Variants in MYH14 observed in about 807,000 individuals in gnomAD.
MYH14 encodes myosin heavy chain 14, also known as myosin-14.
Under a neutral mutation model 255.5 loss-of-function variants are expected in MYH14, and 123 were observed. That is an observed-to-expected ratio of 0.48 (90% CI 0.42 to 0.56). The LOEUF (loss-of-function observed/expected upper bound fraction) is 0.56, where lower values mean the gene tolerates loss of function less well. Ranked by LOEUF, MYH14 falls within the 20% of genes least tolerant of loss-of-function variation. The probability of loss-of-function intolerance (pLI) is 0.00; values close to 1 mark genes in which losing one functional copy is unlikely to be tolerated. For missense variants in MYH14, 2,423 were observed against 2,802.3 expected (o/e 0.86, Z 3.06); for synonymous variants, 1,095 against 1,161.2 (o/e 0.94, Z 1.16).
At position 50,280,123 on chromosome 19, in the gene MYH14, C is replaced by G; in HGVS notation, c.4119C>G (p.Ala1373=). 6.2e-7 allele frequency: 1 copy of G among 1,605,958 alleles called. No individual in the cohort carries two copies. The highest frequency in any genetic ancestry group is 8.5e-7 in the Non-Finnish European group (1 of 1,176,440). ...RLSKELSSTE[A]QLHDAQELLQ... ...GCAAGGAGCTGAGCAGCACAGAAGC[C>G]CAGCTGCACGATGCCCAGGTGACCC... is the stretch of plus-strand genomic sequence containing the variant. The change falls in exon 31 of 43, where the codon GCC becomes GCG. Residue 1373 remains alanine, a synonymous_variant. Transcript: ENST00000642316. This position sits in a 1 kb window ranked among gnomAD's most constrained non-coding sequence, Gnocchi z 4.8.
In MYH14 at chr19:50,231,951, G is replaced by T. The variant is rs1375444153; in HGVS notation, c.995G>T (p.Cys332Phe). The T allele has an allele frequency of 2.5e-6, 4 of 1,613,942 alleles. No homozygotes were observed. Among genetic ancestry groups the T allele is most frequent in the Non-Finnish European group, 3.4e-6 (4 of 1,179,902 alleles). The change falls in exon 10 of 43, where the codon TGC becomes TTC. Residue 332 changes from cysteine to phenylalanine, a missense_variant. By Grantham distance (205) the Cys-to-Phe change is radical. Transcript: ENST00000642316. ...GCAGCCGACCTCCTCCTCGAGCCCT[G>T]CTCCCACTACCGGTTCCTGACCAAC... ...QLKADLLLEPCSHYRFLTNGP... is the reference protein window; with the variant it reads ...QLKADLLLEPFSHYRFLTNGP...
At chr19:50,232,421 G>A (rs146452792) in intron 10 of MYH14, among the ~76,000 whole-genome samples, 2,633 of 132,638 alleles carry the variant, frequency 0.02, 33 homozygotes, top group Middle Eastern at 0.044. Flanking sequence ...GTGAAACACC[G>A]TTTCTACTGA....
chr19:50,297,134 C>T (rs1462399527), intron 39 of MYH14, among the ~76,000 whole-genome samples: 1 of 152,020 alleles, frequency 6.6e-6, no homozygotes, highest in African/African-American at 2.4e-5. Flanking sequence ...TACAAGCATG[C>T]ACCACCATGC....
At chr19:50,295,529 G>A (rs565129041) in intron 39 of MYH14, among the ~76,000 whole-genome samples, 16 of 152,140 alleles carry the variant, frequency 1.1e-4, no homozygotes, top group South Asian at 6.2e-4. Flanking sequence ...TTAGTGGGGC[G>A]CAGTGGGTCA....
intron 13 of MYH14, 197 bp downstream of exon 13, chr19:50,249,336 CTCTCTGGGTCTCTGTCCCCTG>C (rs1396015711): frequency 7.3e-5 from 48 of 654,686 alleles, no homozygotes; most frequent in African/African-American, 7.7e-5. Context: ...GTCCCCTTCT[CTCTCTGGGTCTCTGTCCCCTG>C]TCTCTGGGTC....
Position 50,280,328 on chromosome 19 carries a change from A to G in MYH14, c.4235A>G (p.Glu1412Gly), listed in dbSNP as rs1192675912. The G allele has an allele frequency of 5.2e-6, 8 of 1,549,612 alleles. No homozygotes were observed. The Admixed American group carries it at 1.2e-4, about 23-fold the overall frequency. The change falls in exon 32 of 43, where the codon GAG (glutamate) becomes GGG (glycine). Residue 1412 changes from glutamate to glycine, a missense_variant. Around this residue, in one of 3 missense-constraint regions of MYH14, gnomAD observed 1,513 missense variants for 1,674.8 expected, o/e 0.90. Transcript: ENST00000642316. The surrounding 1 kb of genome is among the most constrained non-coding windows in gnomAD (Gnocchi z 4.8). ...EAAGLREQLE[E>G]EAAARERAGR... Reference sequence around the variant, plus strand: ...GCCGGGCTGCGTGAGCAGCTGGAGGAGGAGGCAGCTGCCAGGGAACGGGCG... The same window carrying G: ...GCCGGGCTGCGTGAGCAGCTGGAGGGGGAGGCAGCTGCCAGGGAACGGGCG...
intron 39 of MYH14, among the ~76,000 whole-genome samples, chr19:50,298,401 T>TACACAC (rs72014853): frequency 1.3e-5 from 2 of 149,290 alleles, no homozygotes; most frequent in South Asian, 2.1e-4. Context: ...CACACACACA[T>TACACAC]ACACACACAC....
intron 3 of MYH14, among the ~76,000 whole-genome samples, chr19:50,222,697 G>T (rs1376060264): frequency 1.3e-5 from 2 of 152,090 alleles, no homozygotes; most frequent in Non-Finnish European, 2.9e-5. Context: ...TTAGGCCCAG[G>T]GCAGGCGCTG....
intron 10 of MYH14, among the ~76,000 whole-genome samples, chr19:50,237,892 G>C (rs1400119074): frequency 6.6e-6 from 1 of 152,080 alleles, no homozygotes; most frequent in Non-Finnish European, 1.5e-5. Context: ...GGGAGGTGGG[G>C]TGTCCTGTCC....
intron 11 of MYH14, among the ~76,000 whole-genome samples, chr19:50,245,842 T>A (rs1180052658): frequency 6.6e-6 from 1 of 152,204 alleles, no homozygotes. Context: ...AGTCAGACCC[T>A]GCAAACTGTT....
chr19:50,219,341 G>A (rs935869288), intron 3 of MYH14, among the ~76,000 whole-genome samples: 1 of 151,604 alleles, frequency 6.6e-6, no homozygotes, highest in Admixed American at 6.6e-5. Context: ...TCTACTTTTG[G>A]TTCTTTAAGT....
intron 20 of MYH14, 55 bp downstream of exon 20, chr19:50,260,770 A>AGTGT (rs1432589413): frequency 6.4e-6 from 8 of 1,253,578 alleles, no homozygotes; most frequent in South Asian, 5.2e-5. Flanking sequence ...TGCGTGCATG[A>AGTGT]GTGTGCGTGC....
chr19:50,269,126 T>C (rs1296761073), intron 24 of MYH14, among the ~76,000 whole-genome samples: 1 of 152,172 alleles, frequency 6.6e-6, no homozygotes, highest in Non-Finnish European at 1.5e-5. Flanking sequence ...AGACAGAAAA[T>C]TTAGTTCATC....
At chr19:50,235,601 G>A (rs1441371004) in intron 10 of MYH14, among the ~76,000 whole-genome samples, 1 of 151,270 alleles carries the variant, frequency 6.6e-6, no homozygotes, top group Non-Finnish European at 1.5e-5. Flanking sequence ...GCAATATGGT[G>A]AGACCCTGTC....
chr19:50,291,090 T>C lies in MYH14; in HGVS notation c.5127+42T>C, dbSNP rs749771700. 15 of 1,596,040 alleles carry C rather than the reference T, an allele frequency of 9.4e-6. No homozygotes were observed. The Admixed American group carries it at 2.2e-4, about 24-fold the overall frequency. On this transcript the variant is annotated intron_variant, in intron 36 of 42. Transcript: ENST00000642316. ...GCTGCAGGGAGGGGAGGCTTTGGTG[T>C]CTTCAAGCCCCAACCATCACTCCAG... is the stretch of plus-strand genomic sequence containing the variant.
chr19:50,307,884 CACAA>C (rs1467323906), intron 41 of MYH14, among the ~76,000 whole-genome samples: 1 of 152,170 alleles, frequency 6.6e-6, no homozygotes, highest in Non-Finnish European at 1.5e-5. Flanking sequence ...CCATTCATTC[CACAA>C]ACAATTATTG....
Position 50,309,643 on chromosome 19 carries a change from C to A in MYH14, c.5964C>A (p.Arg1988=). Residue 1988 remains arginine, a synonymous_variant, in exon 43 of 43, where the codon CGC becomes CGA. Coordinates refer to ENST00000642316, the MANE Select transcript of MYH14 (RefSeq NM_001145809.2). The part of the protein sequence containing the change: ...EVTTLRNRLR[R]GPLTFTTRTV... ...TCCTGGTCTCTCCTCCCCACAGACG[C>A]GGCCCCCTCACCTTCACCACCCGCA... is the stretch of plus-strand genomic sequence containing the variant. 1 of 1,609,820 alleles carries A rather than the reference C, an allele frequency of 6.2e-7. No individual in the cohort carries two copies. Among genetic ancestry groups the A allele is most frequent in the South Asian group, 1.1e-5 (1 of 90,124 alleles).
At position 50,266,557 on chromosome 19, in the gene MYH14, G is replaced by T. The variant is rs187323660; in HGVS notation, c.2695-320G>T. On this transcript the variant is annotated intron_variant, in intron 22 of 42. Transcript: ENST00000642316. This position sits in a 1 kb window ranked among gnomAD's most constrained non-coding sequence, Gnocchi z 4.1. ...CTGGGCGAGAGAGCAAGACTCTGTC[G>T]AAAGGAAGGAAGGAAGGGAGGAAAA... 1.4e-4 allele frequency among the ~76,000 whole-genome samples: 22 copies of T among 152,194 alleles called. No individual in the cohort carries two copies. Among genetic ancestry groups the T allele is most frequent in the African/African-American group, 2.2e-4 (9 of 41,530 alleles).
In MYH14 at chr19:50,291,064, A is replaced by C. The variant is rs1184395949; in HGVS notation, c.5127+16A>C. The C allele has an allele frequency of 1.2e-6, 2 of 1,610,854 alleles. No homozygotes were observed. The highest frequency in any genetic ancestry group is 2.2e-5 in the East Asian group (1 of 44,828). Reference sequence around the variant, plus strand: ...CAAGATGCAGGTAAGAGCCGGCGTGAGCTGCAGGGAGGGGAGGCTTTGGTG... The same window carrying C: ...CAAGATGCAGGTAAGAGCCGGCGTGCGCTGCAGGGAGGGGAGGCTTTGGTG... On this transcript the variant is annotated intron_variant, in intron 36 of 42. Transcript: ENST00000642316.
Sources: allele counts gnomAD v4.1 joint callset (sites outside exome capture counted in the v4.1 genomes callset), GRCh38; gene constraint gnomAD v4.1.1; regional missense constraint gnomAD v4.1.1; non-coding constraint Gnocchi (gnomAD v3.1); transcripts MANE v1.5; gene names NCBI Gene and HGNC (gene_info 2026-07-23, HGNC 2026-07-21).